ST3GAL1: variants seen among roughly 807,000 people sequenced by gnomAD.
ST3GAL1 encodes the protein CMP-N-acetylneuraminate-beta-galactosamide-alpha-2,3-sialyltransferase 1.
ST3GAL1 carries 16 observed loss-of-function variants against 34.1 expected under a neutral mutation model. The ratio of observed to expected loss-of-function variants is 0.47; its 90% confidence interval spans 0.32 to 0.71. ST3GAL1 has a LOEUF of 0.71. ST3GAL1 is among the 30% of genes least tolerant of loss of function. The pLI is 0.04. For missense variants in ST3GAL1, 353 were observed against 447.4 expected (o/e 0.79, Z 1.90); for synonymous variants, 191 against 184.7 (o/e 1.03, Z -0.28).
chr8:133,561,540 G>A (rs983454055), intron 1 of ST3GAL1, among the ~76,000 whole-genome samples: 4 of 152,142 alleles, frequency 2.6e-5, no homozygotes, highest in Non-Finnish European at 5.9e-5. Flanking sequence ...AATGGTGGTC[G>A]TGGTGGTTGT....
intron 3 of ST3GAL1, among the ~76,000 whole-genome samples, chr8:133,481,785 CA>C (rs1308157170): frequency 1.4e-5 from 1 of 73,632 alleles, no homozygotes; most frequent in Non-Finnish European, 3.3e-5. Context: ...CATGAGCCAC[CA>C]TGCCCAGTCT....
At position 133,564,355 on chromosome 8, in the gene ST3GAL1, G is replaced by A. The variant is rs539687809; in HGVS notation, c.-582+7338C>T. ...TGTTGCTTCTGGTTTCTTCAGTCCT[G>A]TTTATAAAGCCAACCTCCTCTGCTC... On this transcript the variant is annotated intron_variant, in intron 1 of 9. Coordinates refer to ENST00000522652, the MANE Select transcript of ST3GAL1 (RefSeq NM_173344.3). Among the ~76,000 whole-genome samples the A allele has an allele frequency of 3.2e-4, 48 of 152,276 alleles. 1 individual carries two copies. Among genetic ancestry groups the A allele is most frequent in the African/African-American group, 1.1e-3 (47 of 41,556 alleles).
At position 133,466,022 on chromosome 8, in the gene ST3GAL1, A is replaced by G. The variant is rs1475809637; in HGVS notation, c.375T>C (p.Pro125=). The G allele has an allele frequency of 6.2e-7, 1 of 1,614,160 alleles. No individual in the cohort carries two copies. The highest frequency in any genetic ancestry group is 8.5e-7 in the Non-Finnish European group (1 of 1,180,014). ...TCTCCAGCATAGGGTCCACATTCCC[A>G]GGCACCACTCTGAACAGCTCCTTGA... ...DTIKELFRVV[P]GNVDPMLEKR... The change falls in exon 6 of 10, where the codon CCT becomes CCC. Residue 125 remains proline, a synonymous_variant. Transcript: ENST00000522652. The surrounding 1 kb of genome is among the most constrained non-coding windows in gnomAD (Gnocchi z 4.4).
At chr8:133,464,717 G>C in intron 7 of ST3GAL1, 61 bp downstream of exon 7, 1 of 1,543,294 alleles carries the variant, frequency 6.5e-7, no homozygotes, top group Non-Finnish European at 8.8e-7. Context: ...CGGCAGGGTG[G>C]GGGGACAGGG....
Position 133,475,915 on chromosome 8 carries a change from C to G in ST3GAL1, c.110G>C (p.Trp37Ser). The G allele has an allele frequency of 6.2e-7, 1 of 1,613,976 alleles. No individual in the cohort carries two copies. Among genetic ancestry groups the G allele is most frequent in the South Asian group, 1.1e-5 (1 of 91,064 alleles). ...CTCCAGGACCATCTGCTTGGGGAAC[C>G]AGGTGGTGGCCACCATGGTGTGGGA... ...NYSHTMVATT[W>S]FPKQMVLELS... Residue 37 changes from tryptophan (W) to serine (S), a missense_variant, in exon 5 of 10, where the codon TGG (tryptophan) becomes TCG (serine). Physicochemically the swap from Trp to Ser is radical, Grantham distance 177. Coordinates refer to ENST00000522652, the MANE Select transcript of ST3GAL1 (RefSeq NM_173344.3).
chr8:133,563,534 G>A (rs543424294), intron 1 of ST3GAL1, among the ~76,000 whole-genome samples: 9 of 152,262 alleles, frequency 5.9e-5, no homozygotes, highest in African/African-American at 1.9e-4. Context: ...AAACTGAGGC[G>A]GGATAGGTAG....
chr8:133,455,134 G>A lies in ST3GAL1; in HGVS notation c.*4630C>T, dbSNP rs1247723711. 1 of 152,386 alleles carries A rather than the reference G, an allele frequency of 6.6e-6. No individual in the cohort carries two copies. 9.4% of individuals were successfully genotyped at this position (152,386 alleles called of 1,614,324 possible). A position where few individuals can be genotyped will look rare whatever the true frequency, so the allele number is the denominator to read the frequency against. ...GTGAAGGGAAGCGATTGTGCAGGAGGAAGGGAAGAAACCCACGATCACCCT... is the reference window on the plus strand; with the variant it reads ...GTGAAGGGAAGCGATTGTGCAGGAGAAAGGGAAGAAACCCACGATCACCCT... On this transcript the variant is annotated 3_prime_UTR_variant, in exon 10 of 10. Coordinates refer to ENST00000522652, the MANE Select transcript of ST3GAL1 (RefSeq NM_173344.3).
At chr8:133,489,980 A>T (rs13262841) in intron 3 of ST3GAL1, among the ~76,000 whole-genome samples, 117,426 of 151,882 alleles carry the variant, frequency 0.77, 45,723 homozygotes, top group Middle Eastern at 0.82. Flanking sequence ...CTTCTCTCCA[A>T]CTCACTCCCT....
At chr8:133,523,670 C>G (rs569573234) in intron 2 of ST3GAL1, among the ~76,000 whole-genome samples, 1 of 152,298 alleles carries the variant, frequency 6.6e-6, no homozygotes, top group African/African-American at 2.4e-5. Context: ...AGGTCAGCAC[C>G]ATTCCTAGGT....
At chr8:133,474,683 C>A (rs1385443754) in intron 5 of ST3GAL1, among the ~76,000 whole-genome samples, 1 of 152,146 alleles carries the variant, frequency 6.6e-6, no homozygotes. Context: ...CGGGCTCTTG[C>A]ACCCGCTGTC....
intron 6 of ST3GAL1, 67 bp downstream of exon 6, chr8:133,465,827 G>A (rs1815708303): frequency 6.5e-7 from 1 of 1,533,666 alleles, no homozygotes; most frequent in Non-Finnish European, 8.8e-7. Context: ...GAGCCAAGAT[G>A]CTTCCTACAG....
rs1237735197 is a variant in ST3GAL1 at position 133,564,423 on chromosome 8, T to G, written c.-582+7270A>C. ...ATTCTGTTTGTTTTGTGGAACGAAG[T>G]GTTGCTCAATTCTAGAATCACAATA... On this transcript the variant is annotated intron_variant, in intron 1 of 9. Transcript: ENST00000522652. 5.3e-5 allele frequency among the ~76,000 whole-genome samples: 8 copies of G among 152,144 alleles called. No homozygotes were observed. In the South Asian group the frequency reaches 1.5e-3, roughly 28 times the overall value.
rs367951290 is a variant in ST3GAL1 at position 133,466,001 on chromosome 8, C to T, written c.396G>A (p.Leu132=). The T allele has an allele frequency of 4.1e-5, 66 of 1,614,114 alleles. No homozygotes were observed. The highest frequency in any genetic ancestry group is 5.4e-5 in the Non-Finnish European group (64 of 1,180,044). ...GCCGGCAGCCCACCGACCTCTTCTC[C>T]AGCATAGGGTCCACATTCCCAGGCA... ...RVVPGNVDPM[L]EKRSVGCRRC... Residue 132 remains leucine (L), a synonymous_variant, in exon 6 of 10, where the codon CTG becomes CTA. Coordinates refer to ENST00000522652, the MANE Select transcript of ST3GAL1 (RefSeq NM_173344.3). The surrounding 1 kb of genome is among the most constrained non-coding windows in gnomAD (Gnocchi z 4.4).
At chr8:133,555,293 T>G (rs1818977690) in intron 1 of ST3GAL1, among the ~76,000 whole-genome samples, 1 of 152,062 alleles carries the variant, frequency 6.6e-6, no homozygotes, top group Non-Finnish European at 1.5e-5. Context: ...TGGTGTGGAT[T>G]TCTGTTGCTC....
chr8:133,492,131 C>A (rs1816804363), intron 3 of ST3GAL1, among the ~76,000 whole-genome samples: 1 of 152,086 alleles, frequency 6.6e-6, no homozygotes, highest in African/African-American at 2.4e-5. Context: ...CAGCTTGGAC[C>A]AGCAGAGGCC....
rs888193928 is a variant in ST3GAL1, at chr8:133,469,894, T to C, written c.307-3804A>G. On this transcript the variant is annotated intron_variant, in intron 5 of 9. Transcript: ENST00000522652. The surrounding 1 kb of genome is among the most constrained non-coding windows in gnomAD (Gnocchi z 4.3). ...ATCTCAGACCCATTCCAATCTTTCATTGGCAAAAGGGGAAATGGAGGCCCA... is the reference window on the plus strand; with the variant it reads ...ATCTCAGACCCATTCCAATCTTTCACTGGCAAAAGGGGAAATGGAGGCCCA... 2.6e-5 allele frequency among the ~76,000 whole-genome samples: 4 copies of C among 152,146 alleles called. No homozygotes were observed. The highest frequency in any genetic ancestry group is 9.7e-5 in the African/African-American group (4 of 41,432).
chr8:133,563,517 C>T (rs575233533), intron 1 of ST3GAL1, among the ~76,000 whole-genome samples: 8 of 152,142 alleles, frequency 5.3e-5, no homozygotes, highest in Non-Finnish European at 1.0e-4. Flanking sequence ...TCCAGGTCCC[C>T]AAATCCAAAC....
chr8:133,567,935 T>A (rs1266752798), intron 1 of ST3GAL1, among the ~76,000 whole-genome samples: 1 of 151,848 alleles, frequency 6.6e-6, no homozygotes, highest in Non-Finnish European at 1.5e-5. Flanking sequence ...TTTTTTTTTT[T>A]TTTTTGAGAC....
intron 3 of ST3GAL1, among the ~76,000 whole-genome samples, chr8:133,486,870 A>G (rs1256167396): frequency 6.6e-6 from 1 of 152,166 alleles, no homozygotes; most frequent in Non-Finnish European, 1.5e-5. Context: ...TGCAACAATG[A>G]TCCCAGCCCC....
Sources: allele counts gnomAD v4.1 joint callset (sites outside exome capture counted in the v4.1 genomes callset), GRCh38; gene constraint gnomAD v4.1.1; non-coding constraint Gnocchi (gnomAD v3.1); transcripts MANE v1.5; gene names NCBI Gene and HGNC (gene_info 2026-07-23, HGNC 2026-07-21).